The following TRHDE variants were observed in gnomAD, a reference collection of about 807,000 sequenced individuals.
TRHDE encodes thyrotropin-releasing hormone-degrading ectoenzyme.
In TRHDE, 72 loss-of-function variants were observed where a neutral mutation model predicts 125.7. That is an observed-to-expected ratio of 0.57 (90% confidence interval 0.47 to 0.70). TRHDE has a LOEUF of 0.70. Ranked by LOEUF, TRHDE falls within the 30% of genes least tolerant of loss-of-function variation. TRHDE has a pLI of 0.00. For missense variants in TRHDE, 1,110 were observed against 1,327.1 expected, an observed-to-expected ratio of 0.84 and a Z score of 2.54; for synonymous variants, 509 against 509.1, an observed-to-expected ratio of 1.00 and a Z score of 0.00.
intron 2 of TRHDE, among the ~76,000 whole-genome samples, chr12:72,126,111 G>GC (rs1360856484): frequency 5.9e-5 from 9 of 152,080 alleles, no homozygotes; most frequent in Non-Finnish European, 4.4e-5. Flanking sequence ...AAAAATAATT[G>GC]CATAGCCGCA....
intron 2 of TRHDE, among the ~76,000 whole-genome samples, chr12:72,242,550 G>T (rs141521220): frequency 1.2e-4 from 19 of 152,250 alleles, no homozygotes; most frequent in African/African-American, 4.6e-4. Context: ...CTGCTGCCAT[G>T]ACTGTTGCTG....
At chr12:72,238,115 C>T (rs974683883) in intron 2 of TRHDE, among the ~76,000 whole-genome samples, 1 of 150,836 alleles carries the variant, frequency 6.6e-6, no homozygotes, top group African/African-American at 2.4e-5. Context: ...GGTGACATGA[C>T]TTGACTTGTG....
intron 3 of TRHDE, among the ~76,000 whole-genome samples, chr12:72,379,063 G>T (rs1228955741): frequency 2.0e-5 from 3 of 152,028 alleles, no homozygotes; most frequent in Non-Finnish European, 1.5e-5. Context: ...CACGTTAAAG[G>T]TATTTCTCAT....
intron 15 of TRHDE, among the ~76,000 whole-genome samples, chr12:72,627,369 A>T (rs940502998): frequency 2.0e-5 from 3 of 151,862 alleles, no homozygotes; most frequent in Admixed American, 6.6e-5. Context: ...TGCCATAGGA[A>T]TTTTATATAT....
At chr12:72,099,713 T>G (rs1875023392) in intron 1 of TRHDE, among the ~76,000 whole-genome samples, 1 of 152,196 alleles carries the variant, frequency 6.6e-6, no homozygotes, top group South Asian at 2.1e-4. Context: ...TAGACTTAAA[T>G]CTAGTGAAAC....
At chr12:72,637,258 C>T (rs1366167978) in intron 15 of TRHDE, among the ~76,000 whole-genome samples, 1 of 152,136 alleles carries the variant, frequency 6.6e-6, no homozygotes. Flanking sequence ...AGGCATTTAT[C>T]CATTTCTTCT....
intron 2 of TRHDE, among the ~76,000 whole-genome samples, chr12:72,348,427 C>T (rs559206624): frequency 6.6e-6 from 1 of 152,080 alleles, no homozygotes; most frequent in East Asian, 1.9e-4. Flanking sequence ...TGATCTTTTA[C>T]ATCTGGGAGT....
At chr12:72,224,848 A>G (rs575573791) in intron 2 of TRHDE, among the ~76,000 whole-genome samples, 7 of 152,286 alleles carry the variant, frequency 4.6e-5, no homozygotes, top group African/African-American at 1.4e-4. Context: ...CTCTCCACTA[A>G]TGCAACTACA....
chr12:72,256,780 T>G (rs549189620), intron 2 of TRHDE: 2 of 152,254 alleles, frequency 1.3e-5, no homozygotes, highest in African/African-American at 4.8e-5. Context: ...ACAGAATATC[T>G]AAGGAGAGCT....
chr12:72,657,780 A>G (rs1463570244), intron 18 of TRHDE, among the ~76,000 whole-genome samples: 1 of 152,180 alleles, frequency 6.6e-6, no homozygotes, highest in African/African-American at 2.4e-5. Context: ...GGATGAAGGA[A>G]AAATAAGCAA....
chr12:72,448,874 C>A (rs993893520), intron 3 of TRHDE, among the ~76,000 whole-genome samples: 5 of 151,396 alleles, frequency 3.3e-5, no homozygotes, highest in Non-Finnish European at 5.9e-5. Context: ...AAAGGAATAA[C>A]TTAAGCTAAC....
rs181427225 is a variant in TRHDE, at chr12:72,448,455, A to G, written c.1316-21303A>G. 2.2e-3 allele frequency among the ~76,000 whole-genome samples: 338 copies of G among 152,196 alleles called. 1 individual carries two copies. The highest frequency in any genetic ancestry group is 7.6e-3 in the African/African-American group (317 of 41,546). On this transcript the variant is annotated intron_variant, in intron 3 of 18. Transcript: ENST00000261180. The stretch of plus-strand genomic sequence containing the variant: ...TGTAACAATTGTTTGATAAATAAGC[A>G]TTGGTTTTATTTAGTATCAGTGTTA...
chr12:72,562,140 C>T, intron 7 of TRHDE, 25 bp from the exon 8 acceptor site: 1 of 1,188,304 alleles, frequency 8.4e-7, no homozygotes, highest in Non-Finnish European at 1.2e-6. Flanking sequence ...CTTTGAATTA[C>T]AATTACAATT....
At chr12:72,135,852 A>T (rs556440588) in intron 2 of TRHDE, among the ~76,000 whole-genome samples, 23 of 151,362 alleles carry the variant, frequency 1.5e-4, no homozygotes, top group Non-Finnish European at 3.1e-4. Context: ...TGTGGCATTT[A>T]TTCTCTATGA....
chr12:72,234,928 T>C (rs1301241076), intron 2 of TRHDE, among the ~76,000 whole-genome samples: 1 of 152,184 alleles, frequency 6.6e-6, no homozygotes, highest in Non-Finnish European at 1.5e-5. Flanking sequence ...AAAGATTTTC[T>C]ATAGAGCATC....
At chr12:72,316,489 G>T (rs751516698) in intron 2 of TRHDE, among the ~76,000 whole-genome samples, 4 of 152,114 alleles carry the variant, frequency 2.6e-5, no homozygotes, top group Non-Finnish European at 5.9e-5. Context: ...ACCCAGATCA[G>T]GAAATGGAAC....
chr12:72,418,313 A>G lies in TRHDE; in HGVS notation c.1315+40192A>G, dbSNP rs201063773. ...ATGTTAAGTTTAAGGATGACTTAAA[A>G]TATGTGATATTTACTAGTAAAATGC... On this transcript the variant is annotated intron_variant, in intron 3 of 18. Coordinates refer to ENST00000261180, the MANE Select transcript of TRHDE (RefSeq NM_013381.3). Among the ~76,000 whole-genome samples, 12 of 152,246 alleles carry G rather than the reference A, an allele frequency of 7.9e-5. No individual in the cohort carries two copies. In the East Asian group the frequency reaches 2.1e-3, roughly 27 times the overall value.
At chr12:72,626,253 C>A (rs1172151315) in intron 15 of TRHDE, among the ~76,000 whole-genome samples, 1 of 151,916 alleles carries the variant, frequency 6.6e-6, no homozygotes, top group Non-Finnish European at 1.5e-5. Flanking sequence ...GTTTCCTCAT[C>A]TGCAAAATGG....
At chr12:72,600,473 T>A (rs1360389239) in intron 12 of TRHDE, among the ~76,000 whole-genome samples, 1 of 151,748 alleles carries the variant, frequency 6.6e-6, no homozygotes, top group Non-Finnish European at 1.5e-5. Flanking sequence ...TCTTTCACCT[T>A]ATTGGCTAGA....
Sources: allele counts gnomAD v4.1 joint callset (sites outside exome capture counted in the v4.1 genomes callset), GRCh38; gene constraint gnomAD v4.1.1; transcripts MANE v1.5; gene names NCBI Gene and HGNC (gene_info 2026-07-23, HGNC 2026-07-21).